Variants in SIMC1 observed in about 807,000 individuals in gnomAD.
SIMC1 encodes SUMO-interacting motif-containing protein 1.
In SIMC1, 55 loss-of-function variants were observed where a neutral mutation model predicts 82.3. The observed-to-expected ratio is 0.67, with a 90% CI of 0.54 to 0.84. SIMC1 has a LOEUF of 0.84. Among genes scored for constraint, SIMC1 ranks in the 40% least tolerant of loss-of-function variants. The pLI is 0.00. For synonymous variants in SIMC1, 353 were observed against 426.3 expected (o/e 0.83, Z 2.12); for missense variants, 915 against 1,107.2 (o/e 0.83, Z 2.46).
intron 4 of SIMC1, among the ~76,000 whole-genome samples, chr5:176,306,734 C>T (rs1324393363): frequency 1.3e-5 from 2 of 151,068 alleles, no homozygotes; most frequent in Admixed American, 6.6e-5. Flanking sequence ...TAAGAGTCAT[C>T]ACCAATCCCT....
chr5:176,304,423 G>C, intron 4 of SIMC1: 1 of 177,678 alleles, frequency 5.6e-6, no homozygotes, highest in East Asian at 1.8e-4. Flanking sequence ...CCCTAACCGC[G>C]AGTGATCTGC....
chr5:176,265,593 G>T (rs535196545), intron 1 of SIMC1, among the ~76,000 whole-genome samples: 8 of 152,174 alleles, frequency 5.3e-5, no homozygotes, highest in Non-Finnish European at 2.9e-5. Flanking sequence ...TGAAAATAGG[G>T]TTAATTAGGA....
intron 1 of SIMC1, among the ~76,000 whole-genome samples, chr5:176,260,730 C>T (rs1404162337): frequency 6.6e-6 from 1 of 152,132 alleles, no homozygotes; most frequent in East Asian, 1.9e-4. Flanking sequence ...TTCCTTGTGA[C>T]ATCCTAGTGT....
chr5:176,286,338 C>T (rs1447701485), intron 1 of SIMC1, among the ~76,000 whole-genome samples: 1 of 152,268 alleles, frequency 6.6e-6, no homozygotes, highest in Non-Finnish European at 1.5e-5. Context: ...TACCACACAT[C>T]TACAACCATC....
At chr5:176,295,955 A>G (rs1763798030) in intron 3 of SIMC1, among the ~76,000 whole-genome samples, 1 of 152,218 alleles carries the variant, frequency 6.6e-6, no homozygotes, top group Admixed American at 6.5e-5. Flanking sequence ...AAAAAGCCAC[A>G]TACTTCATTT....
In SIMC1 at chr5:176,329,706, C is replaced by T. The variant is rs539649025; in HGVS notation, c.2171+4949C>T. Among the ~76,000 whole-genome samples, 4 of 152,136 alleles carry T rather than the reference C, an allele frequency of 2.6e-5. No individual in the cohort carries two copies. In the South Asian group the frequency reaches 8.3e-4, roughly 32 times the overall value. Reference sequence around the variant, plus strand: ...GAACTGAACTCTAGTTAGTAGGTTTCTTTTTCGCAGAGATATAGATATACA... The same window carrying T: ...GAACTGAACTCTAGTTAGTAGGTTTTTTTTTCGCAGAGATATAGATATACA... On this transcript the variant is annotated intron_variant, in intron 7 of 9. Coordinates refer to ENST00000429602, the MANE Select transcript of SIMC1 (RefSeq NM_001308195.2).
chr5:176,249,929 C>G (rs1051725824), intron 1 of SIMC1, among the ~76,000 whole-genome samples: 31 of 150,422 alleles, frequency 2.1e-4, no homozygotes, highest in African/African-American at 7.6e-4. Flanking sequence ...TCAGTTCTAC[C>G]CTGATCTTAG....
chr5:176,334,699 C>T (rs1483078086), intron 7 of SIMC1, among the ~76,000 whole-genome samples: 1 of 152,224 alleles, frequency 6.6e-6, no homozygotes, highest in Non-Finnish European at 1.5e-5. Flanking sequence ...CCCCTCTCTT[C>T]TATTTTAGAC....
At chr5:176,320,509 C>T (rs1411151927) in intron 5 of SIMC1, among the ~76,000 whole-genome samples, 1 of 152,078 alleles carries the variant, frequency 6.6e-6, no homozygotes, top group Non-Finnish European at 1.5e-5. Flanking sequence ...GCTGGGACTA[C>T]TGGCACGTGC....
At chr5:176,260,057 A>G (rs764309742) in intron 1 of SIMC1, among the ~76,000 whole-genome samples, 40 of 151,112 alleles carry the variant, frequency 2.6e-4, no homozygotes, top group Middle Eastern at 3.5e-3. Context: ...TACGTAATAG[A>G]CATTTAAAAA....
intron 1 of SIMC1, among the ~76,000 whole-genome samples, chr5:176,276,394 T>C (rs1049815309): frequency 6.6e-6 from 1 of 151,520 alleles, no homozygotes; most frequent in Non-Finnish European, 1.5e-5. Context: ...TAGCGGTCTA[T>C]CAATTTTGTT....
chr5:176,340,054 G>A (rs765762349), intron 9 of SIMC1, among the ~76,000 whole-genome samples: 20 of 152,348 alleles, frequency 1.3e-4, no homozygotes, highest in South Asian at 1.2e-3. Context: ...GAAGGGATTA[G>A]AGAGCCCAAG....
intron 1 of SIMC1, among the ~76,000 whole-genome samples, chr5:176,279,628 T>C (rs1395208751): frequency 7.3e-5 from 11 of 150,872 alleles, no homozygotes; most frequent in Non-Finnish European, 1.6e-4. Flanking sequence ...TAAATTTCCC[T>C]CTACACACTG....
At chr5:176,323,739 C>A (rs1398869276) in intron 6 of SIMC1, among the ~76,000 whole-genome samples, 1 of 152,146 alleles carries the variant, frequency 6.6e-6, no homozygotes, top group African/African-American at 2.4e-5. Flanking sequence ...GTAATCCCAG[C>A]ACTTTGGGAG....
At chr5:176,335,934 TTGG>T (rs1765871255) in intron 7 of SIMC1, among the ~76,000 whole-genome samples, 3 of 152,048 alleles carry the variant, frequency 2.0e-5, no homozygotes, top group African/African-American at 7.2e-5. Context: ...TTCCAGCTAC[TTGG>T]GAGGCTGAGG....
chr5:176,280,856 C>T (rs1762972829), intron 1 of SIMC1, among the ~76,000 whole-genome samples: 1 of 152,116 alleles, frequency 6.6e-6, no homozygotes, highest in African/African-American at 2.4e-5. Flanking sequence ...CTCTGGCTGC[C>T]CTTAACATTT....
At chr5:176,313,911 G>A (rs1764785454) in intron 5 of SIMC1, 66 bp downstream of exon 5, 1 of 1,595,540 alleles carries the variant, frequency 6.3e-7, no homozygotes, top group African/African-American at 1.3e-5. Context: ...GCTGCTGAAG[G>A]CCAGAATATC....
intron 7 of SIMC1, among the ~76,000 whole-genome samples, chr5:176,333,576 C>T (rs538323152): frequency 9.9e-5 from 15 of 151,868 alleles, no homozygotes; most frequent in Admixed American, 7.9e-4. Flanking sequence ...ATGACAGGTG[C>T]GCACCACCAC....
chr5:176,304,815 G>A (rs1034524675), intron 4 of SIMC1, among the ~76,000 whole-genome samples: 2 of 151,332 alleles, frequency 1.3e-5, no homozygotes, highest in Non-Finnish European at 3.0e-5. Context: ...TGTCTGAGAT[G>A]TGGGGAGCGC....
Sources: gnomAD v4.1 joint callset for allele counts (sites outside exome capture counted in the v4.1 genomes callset) on GRCh38, gnomAD v4.1.1 for gene constraint, MANE v1.5 for transcripts, NCBI Gene and HGNC (gene_info 2026-07-23, HGNC 2026-07-21) for gene names.